Variants in PCDHAC1 observed in about 807,000 individuals in gnomAD.
PCDHAC1 encodes the protein protocadherin alpha-C1.
A neutral mutation model predicts 60.0 loss-of-function variants in PCDHAC1; 42 were observed. The ratio of observed to expected loss-of-function variants is 0.70; its 90% confidence interval spans 0.55 to 0.90. The LOEUF is 0.90. Ranked by LOEUF, PCDHAC1 falls within the 40% of genes least tolerant of loss-of-function variation. PCDHAC1 has a pLI of 0.00. For missense variants in PCDHAC1, 1,160 were observed against 1,222.3 expected, an observed-to-expected ratio of 0.95 and a Z score of 0.76; for synonymous variants, 468 against 499.3, an observed-to-expected ratio of 0.94 and a Z score of 0.84.
At chr5:140,959,602 CT>C (rs1554224184) in intron 1 of PCDHAC1, among the ~76,000 whole-genome samples, 1 of 152,008 alleles carries the variant, frequency 6.6e-6, no homozygotes, top group Admixed American at 6.6e-5. Flanking sequence ...GTATAACATG[CT>C]TTTCTTGCTT....
At chr5:141,002,468 C>G (rs369108082) in intron 3 of PCDHAC1, among the ~76,000 whole-genome samples, 2 of 152,334 alleles carry the variant, frequency 1.3e-5, no homozygotes, top group Middle Eastern at 3.4e-3. Flanking sequence ...AACGCTTTAG[C>G]ATTTTCAAAG....
At chr5:140,974,690 T>G (rs2096636717) in intron 1 of PCDHAC1, among the ~76,000 whole-genome samples, 4 of 152,236 alleles carry the variant, frequency 2.6e-5, no homozygotes, top group Admixed American at 2.6e-4. Context: ...TTTGTATTTT[T>G]GGGTTTCACC....
At chr5:140,965,911 G>C (rs1476309026) in intron 1 of PCDHAC1, among the ~76,000 whole-genome samples, 1 of 152,206 alleles carries the variant, frequency 6.6e-6, no homozygotes, top group African/African-American at 2.4e-5. Context: ...CCAGGATGCT[G>C]GTTTTAGGCT....
chr5:140,966,888 C>A, intron 1 of PCDHAC1: 13 of 1,593,128 alleles, frequency 8.2e-6, no homozygotes, highest in Non-Finnish European at 1.1e-5. Context: ...GGCCCTGCGG[C>A]CTCCCAGCTG....
At chr5:140,972,624 G>A (rs2096543924) in intron 1 of PCDHAC1, among the ~76,000 whole-genome samples, 1 of 150,616 alleles carries the variant, frequency 6.6e-6, no homozygotes, top group Non-Finnish European at 1.5e-5. Flanking sequence ...GAATGTTGTT[G>A]GCACTCCCTT....
intron 3 of PCDHAC1, among the ~76,000 whole-genome samples, chr5:140,988,142 A>G (rs1017336547): frequency 5.3e-5 from 8 of 152,056 alleles, no homozygotes; most frequent in African/African-American, 1.4e-4. Context: ...AACCTGTTCA[A>G]CCTCAACTTC....
intron 3 of PCDHAC1, among the ~76,000 whole-genome samples, chr5:140,983,126 G>A (rs1466016868): frequency 6.6e-6 from 1 of 152,206 alleles, no homozygotes; most frequent in African/African-American, 2.4e-5. Context: ...ACATTCTGCA[G>A]ACTGACTTTT....
At chr5:140,988,014 A>G (rs782358781) in intron 3 of PCDHAC1, among the ~76,000 whole-genome samples, 4 of 152,242 alleles carry the variant, frequency 2.6e-5, no homozygotes, top group African/African-American at 7.2e-5. Context: ...GAAAGAAAGC[A>G]TGATTCTTAA....
intron 2 of PCDHAC1, 58 bp from the exon 3 acceptor site, chr5:140,982,417 G>T: frequency 1.2e-6 from 2 of 1,610,546 alleles, no homozygotes; most frequent in Non-Finnish European, 1.7e-6. Flanking sequence ...GAGGGTGGAA[G>T]AAGAGATGGG....
Position 140,929,085 on chromosome 5 carries a change from G to A in PCDHAC1, c.2193G>A (p.Met731Ile). ...AGGATCTGAGGTATGGAAGTAAGAT[G>A]GTTTCAAATCCTTGCATGACATCAG... ...STEDLRYGSKMVSNPCMTSAT... is the reference protein window; with the variant it reads ...STEDLRYGSKIVSNPCMTSAT... Residue 731 changes from methionine (M) to isoleucine (I), a missense_variant, in exon 1 of 4, where the codon ATG becomes ATA. Transcript: ENST00000253807. 6.2e-7 allele frequency: 1 copy of A among 1,614,174 alleles called. No homozygotes were observed. The highest frequency in any genetic ancestry group is 8.5e-7 in the Non-Finnish European group (1 of 1,180,012).
intron 1 of PCDHAC1, among the ~76,000 whole-genome samples, chr5:140,977,308 A>G (rs2096754925): frequency 6.6e-6 from 1 of 152,230 alleles, no homozygotes; most frequent in South Asian, 2.1e-4. Context: ...CAAGCTAACG[A>G]TAGTGCTCCT....
At chr5:141,007,258 A>G (rs1160413471) in intron 3 of PCDHAC1, among the ~76,000 whole-genome samples, 1 of 152,110 alleles carries the variant, frequency 6.6e-6, no homozygotes, top group Non-Finnish European at 1.5e-5. Flanking sequence ...AGTTAAAAGA[A>G]GCAGATACAG....
At chr5:140,997,668 TTGTGTGTGTGTG>T (rs35184029) in intron 3 of PCDHAC1, among the ~76,000 whole-genome samples, 3 of 148,244 alleles carry the variant, frequency 2.0e-5, no homozygotes, top group South Asian at 2.2e-4. Context: ...ATTATACAGC[TTGTGTGTGTGTG>T]TGTGTGTGTG....
intron 1 of PCDHAC1, among the ~76,000 whole-genome samples, chr5:140,953,706 G>A (rs1464812227): frequency 1.3e-5 from 2 of 152,144 alleles, no homozygotes; most frequent in Non-Finnish European, 1.5e-5. Context: ...ACTAGACTGA[G>A]CTTCAGACAT....
chr5:140,958,159 A>T (rs782390357), intron 1 of PCDHAC1, among the ~76,000 whole-genome samples: 35 of 152,134 alleles, frequency 2.3e-4, no homozygotes, highest in Non-Finnish European at 4.3e-4. Flanking sequence ...CATAGTCAAA[A>T]GCCTGGAGTG....
In PCDHAC1 at chr5:141,009,886, C is replaced by T. The variant is rs377373799; in HGVS notation, c.2841C>T (p.Thr947=). Residue 947 remains threonine (T), a synonymous_variant, in exon 4 of 4, where the codon ACC becomes ACT. Transcript: ENST00000253807. ...AGAAAAAGAAGAAGGGTAACAAGAC[C>T]CAGGAGAAAAAAGAGAAAGGGAACA... ...KKKKKKKGNK[T]QEKKEKGNST... is the part of the protein sequence containing the mutation. The T allele has an allele frequency of 9.0e-4, 1,444 of 1,612,840 alleles. 15 individuals are homozygous for T. The South Asian group carries it at 0.015, about 17-fold the overall frequency.
chr5:140,926,890 A>C lies in PCDHAC1; in HGVS notation c.-3A>C. On this transcript the variant is annotated 5_prime_UTR_variant, in exon 1 of 4. Transcript: ENST00000253807. ...TGGTGGAACGTGGACGCCTAGAGGG[A>C]GGATGGTGGGCTGTGGGGTGGCAGT... 2 of 1,543,874 alleles carry C rather than the reference A, an allele frequency of 1.3e-6. No individual in the cohort carries two copies. The highest frequency in any genetic ancestry group is 1.7e-6 in the Non-Finnish European group (2 of 1,143,328).
chr5:140,927,725 C>T lies in PCDHAC1; in HGVS notation c.833C>T (p.Ala278Val), dbSNP rs782731204. ...TACTCCCTAAGCAACAGCACGCAAG[C>T]AGAGCTGCGACACCGCTTTCACGTG... ...VQYSLSNSTQ[A>V]ELRHRFHVHP... Residue 278 changes from alanine (A) to valine (V), a missense_variant, in exon 1 of 4, where the codon GCA becomes GTA. This residue lies in a region of PCDHAC1 where 1,113 missense variants were observed against 1,163.7 expected (regional missense o/e 0.96). Transcript: ENST00000253807. 1.2e-6 allele frequency: 2 copies of T among 1,614,202 alleles called. No homozygotes were observed. The highest frequency in any genetic ancestry group is 2.2e-5 in the South Asian group (2 of 91,086).
Position 140,982,566 on chromosome 5 carries a change from A to G in PCDHAC1, c.2581+3A>G, listed in dbSNP as rs372784858. On this transcript the variant is annotated splice_donor_region_variant and intron_variant, in intron 3 of 3. Transcript: ENST00000253807. ...AACAGTATCCAGTGCAACACCAGGT[A>G]AAGAGCTGGGGTCTCTCCATTCTTT... 8 of 1,613,970 alleles carry G rather than the reference A, an allele frequency of 5.0e-6. No individual in the cohort carries two copies. The highest frequency in any genetic ancestry group is 6.8e-6 in the Non-Finnish European group (8 of 1,179,958).
Sources: gnomAD v4.1 joint callset for allele counts (sites outside exome capture counted in the v4.1 genomes callset) on GRCh38, gnomAD v4.1.1 for gene constraint, gnomAD v4.1.1 regional missense constraint, MANE v1.5 for transcripts, NCBI Gene and HGNC (gene_info 2026-07-23, HGNC 2026-07-21) for gene names.